The following TNFSF11 variants were observed in gnomAD, a reference collection of about 807,000 sequenced individuals.
TNFSF11 encodes the protein tumor necrosis factor ligand superfamily member 11.
In TNFSF11, 12 loss-of-function variants were observed where a neutral mutation model predicts 32.2. The observed-to-expected ratio is 0.37, with a 90% confidence interval of 0.24 to 0.60. The LOEUF is 0.60. Ranked by LOEUF, TNFSF11 falls within the 20% of genes least tolerant of loss-of-function variation. The pLI is 0.66. For synonymous variants in TNFSF11, 172 were observed against 152.1 expected (o/e 1.13, Z -0.96); for missense variants, 345 against 398.0 (o/e 0.87, Z 1.13).
At position 42,574,496 on chromosome 13, in the gene TNFSF11, G is replaced by A; in HGVS notation, c.193G>A (p.Ala65Thr). The A allele has an allele frequency of 1.2e-6, 2 of 1,608,900 alleles. No individual in the cohort carries two copies. The highest frequency in any genetic ancestry group is 1.1e-5 in the South Asian group (1 of 90,878). Reference protein sequence around the residue: ...LGLGQVVCSVALFFYFRAQMD... With the variant: ...LGLGQVVCSVTLFFYFRAQMD... ...GCTGGGCCAGGTTGTCTGCAGCGTC[G>A]CCCTGTTCTTCTATTTCAGAGCGCA... The change falls in exon 1 of 5, where the codon GCC becomes ACC. Residue 65 changes from alanine (A) to threonine (T), a missense_variant. Coordinates refer to ENST00000398795, the MANE Select transcript of TNFSF11 (RefSeq NM_003701.4).
At position 42,583,966 on chromosome 13, in the gene TNFSF11, A is replaced by G. The variant is rs555540909; in HGVS notation, c.387+2673A>G. Among the ~76,000 whole-genome samples, 3 of 152,340 alleles carry G rather than the reference A, an allele frequency of 2.0e-5. No homozygotes were observed. In the South Asian group the frequency reaches 6.2e-4, roughly 32 times the overall value. On this transcript the variant is annotated intron_variant, in intron 2 of 4. Coordinates refer to ENST00000398795, the MANE Select transcript of TNFSF11 (RefSeq NM_003701.4). ...AAAATAAATCAGTTTGTAAAAATTAATAAGTAATAATCACTAGCTGTCCTT... is the reference window on the plus strand; with the variant it reads ...AAAATAAATCAGTTTGTAAAAATTAGTAAGTAATAATCACTAGCTGTCCTT...
chr13:42,589,743 G>A (rs2137884000), intron 2 of TNFSF11, among the ~76,000 whole-genome samples: 1 of 152,320 alleles, frequency 6.6e-6, no homozygotes, highest in East Asian at 1.9e-4. Context: ...TGCAGAGAGG[G>A]CAAAGGGCAT....
chr13:42,589,429 T>C (rs2137883407), intron 2 of TNFSF11, among the ~76,000 whole-genome samples: 1 of 152,304 alleles, frequency 6.6e-6, no homozygotes, highest in Middle Eastern at 3.4e-3. Context: ...ATCCTTCCCA[T>C]AGCTGAGGGA....
At chr13:42,590,287 C>G (rs1407365909) in intron 2 of TNFSF11, among the ~76,000 whole-genome samples, 1 of 152,256 alleles carries the variant, frequency 6.6e-6, no homozygotes, top group Non-Finnish European at 1.5e-5. Context: ...GCCATGTGAT[C>G]AATCCATAGG....
At chr13:42,596,471 C>A (rs372467461) in intron 2 of TNFSF11, among the ~76,000 whole-genome samples, 2 of 152,130 alleles carry the variant, frequency 1.3e-5, no homozygotes, top group African/African-American at 2.4e-5. Flanking sequence ...TTTGTCCCAG[C>A]TTTCAGGAGT....
intron 2 of TNFSF11, among the ~76,000 whole-genome samples, chr13:42,587,020 C>T (rs1186113700): frequency 6.6e-6 from 1 of 152,188 alleles, no homozygotes; most frequent in Non-Finnish European, 1.5e-5. Flanking sequence ...GGGTAACAAA[C>T]AGACCCATCC....
chr13:42,562,748 G>A (rs1280296362), exon 1 of TNFSF11: 1 of 152,196 alleles, frequency 6.6e-6, no homozygotes, highest in African/African-American at 2.4e-5. Context: ...GAAAGCAAAT[G>A]GTGTGGCCGA....
chr13:42,606,726 C>G lies in TNFSF11; in HGVS notation c.762C>G (p.Thr254=). ...GCATCAAAATCCCAAGTTCTCATAC[C>G]CTGATGAAAGGAGGAAGCACCAAGT... ...KTSIKIPSSH[T]LMKGGSTKYW... Residue 254 remains threonine (T), a synonymous_variant, in exon 5 of 5, where the codon ACC becomes ACG. Coordinates refer to ENST00000398795, the MANE Select transcript of TNFSF11 (RefSeq NM_003701.4). The G allele has an allele frequency of 1.2e-6, 2 of 1,614,124 alleles. No homozygotes were observed. The highest frequency in any genetic ancestry group is 1.7e-6 in the Non-Finnish European group (2 of 1,180,028).
intron 2 of TNFSF11, among the ~76,000 whole-genome samples, chr13:42,583,417 T>TAAAAAAAAAAAAAAAAAAAAAAA (rs71747752): frequency 8.1e-5 from 2 of 24,642 alleles, no homozygotes; most frequent in Admixed American, 4.8e-4. Flanking sequence ...AAGACCCTGC[T>TAAAAAAAAAAAAAAAAAAAAAAA]AAAAAAAAAA....
chr13:42,568,674 G>A (rs561534008), intron 2 of TNFSF11, among the ~76,000 whole-genome samples: 152 of 152,220 alleles, frequency 1.0e-3, no homozygotes, highest in African/African-American at 3.4e-3. Flanking sequence ...ATCAGAAGAC[G>A]CGGGAACAGA....
At chr13:42,567,436 A>G (rs916486015) in intron 2 of TNFSF11, among the ~76,000 whole-genome samples, 11 of 152,222 alleles carry the variant, frequency 7.2e-5, no homozygotes, top group Non-Finnish European at 1.3e-4. Context: ...TCCTTCATAC[A>G]TGACCAAGAT....
At chr13:42,569,365 G>A (rs992210943), upstream of TNFSF11, among the ~76,000 whole-genome samples, 9 of 151,938 alleles carry the variant, frequency 5.9e-5, no homozygotes, top group Admixed American at 2.6e-4. Context: ...TGGCTAACAC[G>A]GTGAAACCCC....
At chr13:42,583,578 C>T (rs577444866) in intron 2 of TNFSF11, among the ~76,000 whole-genome samples, 1 of 151,934 alleles carries the variant, frequency 6.6e-6, no homozygotes, top group South Asian at 2.1e-4. Flanking sequence ...AAATTTTGCA[C>T]TATTTCTGAT....
At chr13:42,584,825 A>G (rs1381782563) in intron 2 of TNFSF11, among the ~76,000 whole-genome samples, 1 of 152,214 alleles carries the variant, frequency 6.6e-6, no homozygotes, top group Non-Finnish European at 1.5e-5. Flanking sequence ...TTGTTTTGTT[A>G]TAGGATCTTA....
intron 1 of TNFSF11, among the ~76,000 whole-genome samples, chr13:42,563,373 A>G (rs1269787624): frequency 1.3e-5 from 2 of 152,226 alleles, no homozygotes; most frequent in African/African-American, 2.4e-5. Flanking sequence ...GTAAGAACAA[A>G]GAAGTTAGGC....
intron 1 of TNFSF11, among the ~76,000 whole-genome samples, chr13:42,565,784 G>A (rs1329918566): frequency 6.6e-6 from 1 of 152,168 alleles, no homozygotes; most frequent in Non-Finnish European, 1.5e-5. Flanking sequence ...CCAGTTGTTC[G>A]TGATAAATGG....
In TNFSF11 at chr13:42,606,726, C is replaced by A; in HGVS notation, c.762C>A (p.Thr254=). ...GCATCAAAATCCCAAGTTCTCATAC[C>A]CTGATGAAAGGAGGAAGCACCAAGT... ...KTSIKIPSSH[T]LMKGGSTKYW... is the part of the protein sequence containing the mutation. Residue 254 remains threonine, a synonymous_variant, in exon 5 of 5, where the codon ACC becomes ACA. Coordinates refer to ENST00000398795, the MANE Select transcript of TNFSF11 (RefSeq NM_003701.4). The A allele has an allele frequency of 6.2e-7, 1 of 1,614,124 alleles. No homozygotes were observed. The highest frequency in any genetic ancestry group is 8.5e-7 in the Non-Finnish European group (1 of 1,180,028).
chr13:42,589,850 T>A, intron 2 of TNFSF11, among the ~76,000 whole-genome samples: 1 of 152,252 alleles, frequency 6.6e-6, no homozygotes, highest in South Asian at 2.1e-4. Context: ...GATGAATGGA[T>A]GAATGAATGA....
intron 2 of TNFSF11, among the ~76,000 whole-genome samples, chr13:42,588,746 C>T (rs1360444536): frequency 4.6e-5 from 7 of 152,118 alleles, no homozygotes; most frequent in African/African-American, 1.2e-4. Flanking sequence ...GGGGTGGACT[C>T]TGTGATTTCT....
Sources: allele counts gnomAD v4.1 joint callset (sites outside exome capture counted in the v4.1 genomes callset), GRCh38; gene constraint gnomAD v4.1.1; transcripts MANE v1.5; gene names NCBI Gene and HGNC (gene_info 2026-07-23, HGNC 2026-07-21).